Variants in ADCY7 observed in about 807,000 individuals in gnomAD.
ADCY7 encodes adenylate cyclase 7, also known as adenylate cyclase type 7.
Under a neutral mutation model 120.6 loss-of-function variants are expected in ADCY7, and 72 were observed. That is an observed-to-expected ratio of 0.60 (90% CI 0.49 to 0.73). The LOEUF is 0.73. ADCY7 is among the 30% of genes least tolerant of loss of function. ADCY7 has a pLI of 0.00. For synonymous variants in ADCY7, 661 were observed against 628.0 expected (o/e 1.05, Z -0.78); for missense variants, 1,227 against 1,486.0 (o/e 0.83, Z 2.87).
chr16:50,311,814 CCAA>C lies in ADCY7; in HGVS notation c.2448+29_2448+31del, dbSNP rs754352937. ...AAGGAGGCTGGCCCCCCCCCCCCCC[CCAA>C]GCTCTGCCCACTTTTCCTCACCTCC... On this transcript the variant is annotated intron_variant, in intron 20 of 25. Transcript: ENST00000673801. 5 of 1,256,064 alleles carry C rather than the reference CCAA, an allele frequency of 4.0e-6. No homozygotes were observed. The South Asian group carries it at 6.6e-5, about 17-fold the overall frequency. The allele number at this position is 1,256,064 out of a possible 1,614,324, so 77.8% of individuals were successfully genotyped here.
chr16:50,245,003 G>A (rs1288851006), upstream of ADCY7, among the ~76,000 whole-genome samples: 2 of 152,194 alleles, frequency 1.3e-5, no homozygotes, highest in African/African-American at 4.8e-5. Context: ...CCACCTTCCA[G>A]CCTCGGCCAT....
intron 1 of ADCY7, among the ~76,000 whole-genome samples, chr16:50,286,411 CAG>C (rs1229067553): frequency 8.0e-6 from 1 of 125,050 alleles, no homozygotes; most frequent in Non-Finnish European, 1.7e-5. Flanking sequence ...GCCTGGGTGA[CAG>C]AGTGAGACCC....
At chr16:50,306,598 C>T (rs186476115) in intron 14 of ADCY7, among the ~76,000 whole-genome samples, 1 of 151,956 alleles carries the variant, frequency 6.6e-6, no homozygotes, top group Non-Finnish European at 1.5e-5. Flanking sequence ...GGATGGTCTC[C>T]CTACCTGCCA....
chr16:50,291,638 G>T, intron 3 of ADCY7, 98 bp from the exon 4 acceptor site: 2 of 1,447,674 alleles, frequency 1.4e-6, no homozygotes, highest in South Asian at 2.4e-5. Flanking sequence ...CCAACCTAAG[G>T]ATACGCACTG....
chr16:50,314,807 T>A (rs2036707717), intron 24 of ADCY7: 3 of 595,920 alleles, frequency 5.0e-6, no homozygotes, highest in Admixed American at 5.5e-5. Context: ...CCCAGACTTC[T>A]GAGTCTGAAA....
chr16:50,287,427 C>T (rs1009552016), intron 1 of ADCY7, among the ~76,000 whole-genome samples: 1 of 151,416 alleles, frequency 6.6e-6, no homozygotes, highest in East Asian at 2.0e-4. Context: ...GTGGCTCATG[C>T]CTGTTATCCC....
At chr16:50,304,726 T>A (rs928110102) in intron 11 of ADCY7, among the ~76,000 whole-genome samples, 175 bp downstream of exon 11, 1 of 152,188 alleles carries the variant, frequency 6.6e-6, no homozygotes, top group Non-Finnish European at 1.5e-5. Flanking sequence ...TGGAGAATAC[T>A]CCGGGATGGC....
In ADCY7 at chr16:50,305,505, G is replaced by T; in HGVS notation, c.1598G>T (p.Ser533Ile). 6.2e-7 allele frequency: 1 copy of T among 1,613,034 alleles called. No individual in the cohort carries two copies. Among genetic ancestry groups the T allele is most frequent in the Non-Finnish European group, 8.5e-7 (1 of 1,179,512 alleles). ...PQRHRRTPDR[S>I]MSPKGRSEDD... ...CAGTTGTGGGTATCTGATTCCAGAA[G>T]CATGTCCCCCAAGGGGCGGTCGGAG... Residue 533 changes from serine to isoleucine, a missense_variant and splice_region_variant, in exon 13 of 26, where the codon AGC becomes ATC. Physicochemically the swap from Ser to Ile is moderately radical, Grantham distance 142. Transcript: ENST00000673801.
intron 1 of ADCY7, among the ~76,000 whole-genome samples, chr16:50,248,064 C>T (rs974375615): frequency 3.9e-5 from 6 of 152,114 alleles, no homozygotes; most frequent in Non-Finnish European, 7.4e-5. Context: ...AGCGGAGGTC[C>T]TCACAGGTCT....
At chr16:50,310,554 G>A in intron 18 of ADCY7, 133 bp from the exon 19 acceptor site, 3 of 1,553,560 alleles carry the variant, frequency 1.9e-6, no homozygotes, top group South Asian at 1.2e-5. Flanking sequence ...ATTGTTTTTT[G>A]TTGAGAAGGG....
chr16:50,286,829 G>T (rs1200499879), intron 1 of ADCY7, among the ~76,000 whole-genome samples: 2 of 152,198 alleles, frequency 1.3e-5, no homozygotes, highest in Non-Finnish European at 2.9e-5. Context: ...ATGGAAAAAA[G>T]AAGTGAACCT....
At chr16:50,269,442 C>G (rs2033421991) in intron 1 of ADCY7, among the ~76,000 whole-genome samples, 1 of 152,218 alleles carries the variant, frequency 6.6e-6, no homozygotes, top group Admixed American at 6.5e-5. Context: ...TGAGGGCCTC[C>G]CCTACCCTGC....
rs1178066745 is a variant in ADCY7, at chr16:50,300,761, A to G, written c.1123A>G (p.Ile375Val). 1.3e-6 allele frequency: 2 copies of G among 1,552,594 alleles called. No homozygotes were observed. Among genetic ancestry groups the G allele is most frequent in the South Asian group, 2.4e-5 (2 of 84,114 alleles). ...TGVDINMRVGIHSGNVLCGVI... is the reference protein window; with the variant it reads ...TGVDINMRVGVHSGNVLCGVI... ...CGTGGACATCAACATGCGTGTGGGC[A>G]TACACTCGGGGAATGTGCTGTGCGG... The change falls in exon 9 of 26, where the codon ATA (isoleucine) becomes GTA (valine). Residue 375 changes from isoleucine (I) to valine (V), a missense_variant. Physicochemically the swap from Ile to Val is conservative, Grantham distance 29. Transcript: ENST00000673801.
At chr16:50,298,113 C>T (rs1221041611) in intron 7 of ADCY7, among the ~76,000 whole-genome samples, 3 of 152,078 alleles carry the variant, frequency 2.0e-5, no homozygotes, top group Non-Finnish European at 4.4e-5. Flanking sequence ...TCCCCATTCC[C>T]TCTTTCCTCT....
chr16:50,280,403 G>A (rs1011067461), intron 1 of ADCY7, among the ~76,000 whole-genome samples: 6 of 146,184 alleles, frequency 4.1e-5, no homozygotes, highest in East Asian at 2.0e-4. Context: ...TCCTGGATTC[G>A]TTGATCTTTT....
intron 7 of ADCY7, among the ~76,000 whole-genome samples, chr16:50,295,601 T>C (rs1173094161): frequency 6.6e-6 from 1 of 151,940 alleles, no homozygotes; most frequent in Non-Finnish European, 1.5e-5. Context: ...GAAAGCCCCG[T>C]GTGTCCATGG....
intron 1 of ADCY7, among the ~76,000 whole-genome samples, chr16:50,273,249 A>T (rs1463836700): frequency 6.6e-6 from 1 of 152,148 alleles, no homozygotes; most frequent in Non-Finnish European, 1.5e-5. Context: ...AGGCCCAGAG[A>T]GGTTCAGGAA....
At chr16:50,255,402 G>GGAAAAAAAAAAAAAA (rs368044444) in intron 1 of ADCY7, among the ~76,000 whole-genome samples, 6 of 108,128 alleles carry the variant, frequency 5.5e-5, no homozygotes, top group African/African-American at 1.8e-4. Context: ...TCTGTTTCTG[G>GGAAAAAAAAAAAAAA]AAAAAAAAAA....
intron 24 of ADCY7, 86 bp downstream of exon 24, chr16:50,314,492 T>C: frequency 4.0e-6 from 4 of 993,820 alleles, no homozygotes; most frequent in East Asian, 2.5e-5. Context: ...CACCTCGCCA[T>C]CTATTATGAA....
Sources: gnomAD v4.1 joint callset for allele counts (sites outside exome capture counted in the v4.1 genomes callset) on GRCh38, gnomAD v4.1.1 for gene constraint, MANE v1.5 for transcripts, NCBI Gene and HGNC (gene_info 2026-07-23, HGNC 2026-07-21) for gene names.